NKAIN2: variants seen among roughly 807,000 people sequenced by gnomAD.
NKAIN2 encodes sodium/potassium transporting ATPase interacting 2.
A neutral mutation model predicts 32.6 loss-of-function variants in NKAIN2; 14 were observed. The ratio of observed to expected loss-of-function variants is 0.43; its 90% CI spans 0.28 to 0.67. The LOEUF (loss-of-function observed/expected upper bound fraction) is 0.67, where lower values mean the gene tolerates loss of function less well. Ranked by LOEUF, NKAIN2 falls within the 30% of genes least tolerant of loss-of-function variation. The pLI is 0.17. For missense variants in NKAIN2, 198 were observed against 258.3 expected (o/e 0.77, Z 1.60); for synonymous variants, 80 against 87.2 (o/e 0.92, Z 0.46).
At chr6:124,499,605 G>C (rs1778204025) in intron 3 of NKAIN2, among the ~76,000 whole-genome samples, 1 of 152,052 alleles carries the variant, frequency 6.6e-6, no homozygotes. Flanking sequence ...AAAGCCCAAA[G>C]AAAATCTTTA....
intron 3 of NKAIN2, among the ~76,000 whole-genome samples, chr6:124,367,940 C>G (rs191796673): frequency 2.3e-4 from 35 of 152,008 alleles, no homozygotes; most frequent in African/African-American, 8.2e-4. Flanking sequence ...TTTTAAAATT[C>G]AAATATTTTT....
chr6:124,441,056 C>T (rs527846093), intron 3 of NKAIN2, among the ~76,000 whole-genome samples: 6 of 152,170 alleles, frequency 3.9e-5, no homozygotes, highest in Admixed American at 1.3e-4. Flanking sequence ...ATAATTGTGT[C>T]TTAAACAGGC....
At chr6:124,358,458 G>A (rs1799099349) in intron 3 of NKAIN2, among the ~76,000 whole-genome samples, 2 of 151,954 alleles carry the variant, frequency 1.3e-5, no homozygotes, top group Admixed American at 1.3e-4. Context: ...ACTTTTTAAT[G>A]ATCACCATTC....
chr6:124,230,112 T>C (rs1792372524), intron 1 of NKAIN2, among the ~76,000 whole-genome samples: 1 of 152,112 alleles, frequency 6.6e-6, no homozygotes, highest in South Asian at 2.1e-4. Context: ...AAATACAGTC[T>C]GAGATGATCT....
intron 1 of NKAIN2, among the ~76,000 whole-genome samples, chr6:124,148,897 C>G (rs376670855): frequency 1.3e-5 from 2 of 152,302 alleles, no homozygotes; most frequent in African/African-American, 4.8e-5. Flanking sequence ...TCTGAAGTGA[C>G]TGCATTATAT....
intron 4 of NKAIN2, among the ~76,000 whole-genome samples, chr6:124,740,804 C>G (rs1777172297): frequency 6.6e-6 from 1 of 151,678 alleles, no homozygotes; most frequent in Non-Finnish European, 1.5e-5. Flanking sequence ...TCAAGAAGGA[C>G]AGTAAAGGTT....
At chr6:124,413,496 A>G (rs191304553) in intron 3 of NKAIN2, among the ~76,000 whole-genome samples, 2 of 152,040 alleles carry the variant, frequency 1.3e-5, no homozygotes, top group Admixed American at 1.3e-4. Flanking sequence ...TTGTCCTCCA[A>G]TTTTGTTCTT....
chr6:124,208,894 G>T (rs1791032107), intron 1 of NKAIN2, among the ~76,000 whole-genome samples: 1 of 151,396 alleles, frequency 6.6e-6, no homozygotes, highest in Non-Finnish European at 1.5e-5. Context: ...TGCAGGTATA[G>T]AATGTGCAAT....
intron 1 of NKAIN2, among the ~76,000 whole-genome samples, chr6:123,874,805 A>G (rs1298597676): frequency 6.6e-6 from 1 of 152,070 alleles, no homozygotes; most frequent in African/African-American, 2.4e-5. Context: ...GAAGAAAATA[A>G]AAACAACTTG....
intron 2 of NKAIN2, among the ~76,000 whole-genome samples, chr6:124,319,514 T>G (rs907217977): frequency 2.0e-5 from 3 of 152,164 alleles, no homozygotes; most frequent in Non-Finnish European, 2.9e-5. Flanking sequence ...GTTGTTTGTT[T>G]ATGCTTCCCG....
intron 1 of NKAIN2, among the ~76,000 whole-genome samples, chr6:123,892,378 A>G (rs1774061362): frequency 6.6e-6 from 1 of 152,126 alleles, no homozygotes; most frequent in Admixed American, 6.6e-5. Context: ...CCTCAGGGAA[A>G]TTACAATCAT....
chr6:124,523,748 G>A (rs942698157), intron 3 of NKAIN2, among the ~76,000 whole-genome samples: 9 of 152,100 alleles, frequency 5.9e-5, no homozygotes, highest in African/African-American at 2.2e-4. Flanking sequence ...AGGAGAGGAG[G>A]AGAAGGAACA....
chr6:124,521,841 C>A (rs1426671293), intron 3 of NKAIN2, among the ~76,000 whole-genome samples: 1 of 151,754 alleles, frequency 6.6e-6, no homozygotes, highest in African/African-American at 2.4e-5. Context: ...AGATAAAACA[C>A]CCTTTCTCAG....
At chr6:124,664,511 C>T (rs117336766) in intron 4 of NKAIN2, among the ~76,000 whole-genome samples, 2 of 151,730 alleles carry the variant, frequency 1.3e-5, no homozygotes, top group Middle Eastern at 3.4e-3. Flanking sequence ...TAGATATTTT[C>T]TGCAAAGAAG....
intron 4 of NKAIN2, among the ~76,000 whole-genome samples, chr6:124,705,774 GA>G (rs1290133920): frequency 6.6e-6 from 1 of 152,086 alleles, no homozygotes; most frequent in African/African-American, 2.4e-5. Context: ...CTAATGCAGA[GA>G]GCAGTCACTA....
chr6:124,269,368 C>A (rs1794641973), intron 1 of NKAIN2, among the ~76,000 whole-genome samples: 3 of 152,064 alleles, frequency 2.0e-5, no homozygotes, highest in Non-Finnish European at 2.9e-5. Context: ...ATGACAAATT[C>A]TAAAACGTCC....
rs868183711 is a variant in NKAIN2, at chr6:124,586,445, C to T, written c.274-71741C>T. Reference sequence around the variant, plus strand: ...ATAGACACTGGGGCCTACTTGAGGGCGTAGGCTGGAAGGAGGGTGAGGATC... The same window carrying T: ...ATAGACACTGGGGCCTACTTGAGGGTGTAGGCTGGAAGGAGGGTGAGGATC... On this transcript the variant is annotated intron_variant, in intron 3 of 6. Transcript: ENST00000368417. 1.7e-4 allele frequency among the ~76,000 whole-genome samples: 26 copies of T among 152,066 alleles called. 1 individual carries two copies. In the South Asian group the frequency reaches 2.3e-3, roughly 13 times the overall value.
chr6:124,687,031 T>C (rs559704311), intron 4 of NKAIN2, among the ~76,000 whole-genome samples: 7 of 151,964 alleles, frequency 4.6e-5, no homozygotes, highest in African/African-American at 7.2e-5. Context: ...CTCCAAGTTC[T>C]TCAGGTTTGA....
At chr6:124,251,933 AAGAAATGTT>A in intron 1 of NKAIN2, among the ~76,000 whole-genome samples, 1 of 152,180 alleles carries the variant, frequency 6.6e-6, no homozygotes, top group East Asian at 1.9e-4. Context: ...TACCAACACA[AAGAAATGTT>A]AAATGTTTGA....
Sources: gnomAD v4.1 joint callset for allele counts (sites outside exome capture counted in the v4.1 genomes callset) on GRCh38, gnomAD v4.1.1 for gene constraint, MANE v1.5 for transcripts, NCBI Gene and HGNC (gene_info 2026-07-23, HGNC 2026-07-21) for gene names.